Variants in DIS3 observed in about 807,000 individuals in gnomAD.
The protein encoded by DIS3 is DIS3 exosome endoribonuclease and 3'-5' exoribonuclease.
Under a neutral mutation model 113.0 loss-of-function variants are expected in DIS3, and 103 were observed. The observed-to-expected ratio is 0.91, with a 90% CI of 0.78 to 1.07. The LOEUF is 1.07. DIS3 is among the 50% of genes least tolerant of loss of function. The pLI is 0.00. For synonymous variants in DIS3, 402 were observed against 394.3 expected, an observed-to-expected ratio of 1.02 and a Z score of -0.23; for missense variants, 1,121 against 1,167.1, an observed-to-expected ratio of 0.96 and a Z score of 0.58.
rs531119727 is a variant in DIS3, at chr13:72,754,314, CTT to C, written c.*5479_*5480del. 1.5e-3 allele frequency: 209 copies of C among 140,834 alleles called. 1 individual carries two copies. Among genetic ancestry groups the C allele is most frequent in the Middle Eastern group, 3.4e-3 (1 of 292 alleles). 8.7% of individuals were successfully genotyped at this position (140,834 alleles called of 1,614,324 possible). A position where few individuals can be genotyped will look rare whatever the true frequency, so the allele number is the denominator to read the frequency against. ...GCCTTGTATGCCGTTTCTTTTTTTT[CTT>C]TTTTTTTTTTTTTGAGACAGGGTCT... On this transcript the variant is annotated 3_prime_UTR_variant, in exon 21 of 21. Coordinates refer to ENST00000377767, the MANE Select transcript of DIS3 (RefSeq NM_014953.5).
chr13:72,781,199 TAAAC>T (rs1196997332), intron 1 of DIS3, 196 bp from the exon 2 acceptor site: 9 of 1,497,604 alleles, frequency 6.0e-6, no homozygotes, highest in Non-Finnish European at 7.3e-6. Flanking sequence ...AAAGCACACT[TAAAC>T]AGACCAATCA....
rs938803982 is a variant in DIS3, at chr13:72,753,910, A to G, written c.*5885T>C. The G allele has an allele frequency of 2.4e-6, 3 of 1,262,250 alleles. No individual in the cohort carries two copies. In the African/African-American group the frequency reaches 4.6e-5, roughly 19 times the overall value. 78.2% of individuals were successfully genotyped at this position (1,262,250 alleles called of 1,614,324 possible). On this transcript the variant is annotated 3_prime_UTR_variant, in exon 21 of 21. Coordinates refer to ENST00000377767, the MANE Select transcript of DIS3 (RefSeq NM_014953.5). ...TATTAGACAATAGTACTATTGAGAA[A>G]CTATATGAAATTTAAAACACTAAAA... is the stretch of plus-strand genomic sequence containing the variant.
intron 14 of DIS3, among the ~76,000 whole-genome samples, chr13:72,766,698 T>C (rs2033758401): frequency 6.6e-6 from 1 of 152,172 alleles, no homozygotes. Context: ...CTTTGGAAAG[T>C]AAATTCCCAC....
intron 2 of DIS3, among the ~76,000 whole-genome samples, chr13:72,779,122 G>GTTTTTTT (rs756048998): frequency 6.7e-6 from 1 of 149,604 alleles, no homozygotes; most frequent in Non-Finnish European, 1.5e-5. Context: ...ACTTGCTAAT[G>GTTTTTTT]CTTTTTTTTT....
chr13:72,764,100 C>T (rs959338983), intron 15 of DIS3, among the ~76,000 whole-genome samples: 1 of 151,940 alleles, frequency 6.6e-6, no homozygotes, highest in Non-Finnish European at 1.5e-5. Flanking sequence ...TGCAGTGAGC[C>T]GAGATCGCAT....
At chr13:72,764,020 C>T (rs2033691340) in intron 15 of DIS3, among the ~76,000 whole-genome samples, 1 of 152,032 alleles carries the variant, frequency 6.6e-6, no homozygotes, top group East Asian at 1.9e-4. Flanking sequence ...GGTCTGGTGG[C>T]ACACTCCTGT....
In DIS3 at chr13:72,755,314, A is replaced by G; in HGVS notation, c.*4481T>C. On this transcript the variant is annotated 3_prime_UTR_variant, in exon 21 of 21. Coordinates refer to ENST00000377767, the MANE Select transcript of DIS3 (RefSeq NM_014953.5). ...ATGGTGACTGGGAAAAAATTACTTC[A>G]AGTAACATGCTTAGCTTTCCCTCCT... 1 of 996,892 alleles carries G rather than the reference A, an allele frequency of 1.0e-6. No homozygotes were observed. The highest frequency in any genetic ancestry group is 2.6e-5 in the East Asian group (1 of 39,144). 61.8% of individuals were successfully genotyped at this position (996,892 alleles called of 1,614,324 possible). A position where few individuals can be genotyped will look rare whatever the true frequency, so the allele number is the denominator to read the frequency against.
At chr13:72,770,676 CT>C (rs2033863795) in intron 13 of DIS3, among the ~76,000 whole-genome samples, 1 of 151,896 alleles carries the variant, frequency 6.6e-6, no homozygotes, top group Non-Finnish European at 1.5e-5. Flanking sequence ...CAGCTGGGGA[CT>C]TTTTTAGACT....
At position 72,759,473 on chromosome 13, in the gene DIS3, G is replaced by A. The variant is rs567644806; in HGVS notation, c.*322C>T. 3.8e-4 allele frequency: 91 copies of A among 242,626 alleles called. 2 individuals are homozygous for A. The South Asian group carries it at 0.014, about 38-fold the overall frequency. The allele number at this position is 242,626 out of a possible 1,614,324, so 15.0% of individuals were successfully genotyped here. A position where few individuals can be genotyped will look rare whatever the true frequency, so the allele number is the denominator to read the frequency against. ...AATATTAAATAATCAAAGTACTTACGCAAAATTAATCTGCTCCTCAATGAG... is the reference window on the plus strand; with the variant it reads ...AATATTAAATAATCAAAGTACTTACACAAAATTAATCTGCTCCTCAATGAG... On this transcript the variant is annotated 3_prime_UTR_variant, in exon 21 of 21. Coordinates refer to ENST00000377767, the MANE Select transcript of DIS3 (RefSeq NM_014953.5).
chr13:72,772,944 T>G (rs2033922548), intron 8 of DIS3, 105 bp from the exon 9 acceptor site: 1 of 1,262,942 alleles, frequency 7.9e-7, no homozygotes, highest in Non-Finnish European at 1.1e-6. Flanking sequence ...TTCCTAAATA[T>G]TCCCATAACG....
At position 72,761,493 on chromosome 13, in the gene DIS3, C is replaced by A; in HGVS notation, c.2540G>T (p.Ser847Ile). ...QLFFKSKGIV[S>I]EEAYILFVRK... ...TACAAATAAAATATAGGCTTCTTCA[C>A]TTACTATTCCTTTGCTTTTGAAGAA... The change falls in exon 19 of 21, where the codon AGT (serine) becomes ATT (isoleucine). Residue 847 changes from serine (S) to isoleucine (I), a missense_variant. Physicochemically the swap from Ser to Ile is moderately radical, Grantham distance 142. Around this residue, in one of 3 missense-constraint regions of DIS3, gnomAD observed 861 missense variants for 915.5 expected, o/e 0.94. Transcript: ENST00000377767. The A allele has an allele frequency of 6.3e-7, 1 of 1,591,096 alleles. No individual in the cohort carries two copies. Among genetic ancestry groups the A allele is most frequent in the East Asian group, 2.2e-5 (1 of 44,614 alleles).
intron 13 of DIS3, among the ~76,000 whole-genome samples, chr13:72,770,072 A>C (rs2033848546): frequency 6.6e-6 from 1 of 152,210 alleles, no homozygotes; most frequent in Non-Finnish European, 1.5e-5. Context: ...CTGTGAGAAA[A>C]TGTGAAGAAA....
intron 4 of DIS3, among the ~76,000 whole-genome samples, chr13:72,776,677 C>T (rs1339232992): frequency 1.3e-5 from 2 of 152,104 alleles, no homozygotes; most frequent in Non-Finnish European, 2.9e-5. Flanking sequence ...ATCCTTATAA[C>T]AACACTATGA....
chr13:72,766,233 A>C (rs906833784), intron 14 of DIS3, among the ~76,000 whole-genome samples, 175 bp from the exon 15 acceptor site: 1 of 152,298 alleles, frequency 6.6e-6, no homozygotes, highest in Non-Finnish European at 1.5e-5. Context: ...AGCTCAGTAG[A>C]GCTTTCATGA....
chr13:72,761,659 G>A lies in DIS3; in HGVS notation c.2498C>T (p.Ala833Val), dbSNP rs2033626490. The A allele has an allele frequency of 1.3e-6, 2 of 1,596,732 alleles. No homozygotes were observed. The highest frequency in any genetic ancestry group is 3.6e-5 in the Admixed American group (2 of 55,880). Residue 833 changes from alanine to valine, a missense_variant, in exon 18 of 21, where the codon GCT becomes GTT. By Grantham distance (64) the Ala-to-Val change is moderately conservative (BLOSUM62 0). Transcript: ENST00000377767. ...AAAGGCAAATACCTGGGTATGAAAA[G>A]CCACTGATGCACGTTGGGCATATTG... Reference protein sequence around the residue: ...MAQYAQRASVAFHTQLFFKSK... With the variant: ...MAQYAQRASVVFHTQLFFKSK...
At chr13:72,762,477 A>G (rs936708010) in intron 16 of DIS3, among the ~76,000 whole-genome samples, 11 of 152,212 alleles carry the variant, frequency 7.2e-5, no homozygotes, top group Non-Finnish European at 1.3e-4. Context: ...AAGCTGATTC[A>G]ATTCCTATGA....
chr13:72,773,726 A>G lies in DIS3; in HGVS notation c.1197T>C (p.Ile399=). ...TTCTGGGCCAACCATCAATAGCAAC[A>G]ATAATTCTCCGTCCTTCTAATGTGG... is the stretch of plus-strand genomic sequence containing the variant. ...QASTLEGRRI[I]VAIDGWPRNS... Residue 399 remains isoleucine (I), a synonymous_variant, in exon 8 of 21, where the codon ATT becomes ATC. Transcript: ENST00000377767. 3.1e-6 allele frequency: 5 copies of G among 1,613,504 alleles called. No homozygotes were observed. Among genetic ancestry groups the G allele is most frequent in the Non-Finnish European group, 4.2e-6 (5 of 1,179,874 alleles).
intron 11 of DIS3, among the ~76,000 whole-genome samples, chr13:72,771,461 C>T (rs1593845329): frequency 6.6e-6 from 1 of 152,002 alleles, no homozygotes; most frequent in African/African-American, 2.4e-5. Context: ...ATACTTGATA[C>T]CTGACACACT....
At chr13:72,778,144 G>A (rs779082717) in intron 3 of DIS3, 43 bp downstream of exon 3, 14 of 1,472,018 alleles carry the variant, frequency 9.5e-6, no homozygotes, top group Middle Eastern at 2.4e-4. Flanking sequence ...ATTTTTACAC[G>A]CATTTGCAAA....
Sources: gnomAD v4.1 joint callset for allele counts (sites outside exome capture counted in the v4.1 genomes callset) on GRCh38, gnomAD v4.1.1 for gene constraint, gnomAD v4.1.1 regional missense constraint, MANE v1.5 for transcripts, NCBI Gene and HGNC (gene_info 2026-07-23, HGNC 2026-07-21) for gene names.